NAT1: variants seen among roughly 807,000 people sequenced by gnomAD.
NAT1 encodes N-acetyltransferase 1, also known as arylamine N-acetyltransferase 1.
For missense variants in NAT1, 400 were observed against 339.2 expected (o/e 1.18, Z -1.41); for synonymous variants, 144 against 122.6 (o/e 1.17, Z -1.16).
upstream of NAT1, among the ~76,000 whole-genome samples, chr8:18,205,826 C>A (rs540277166): frequency 6.6e-6 from 1 of 152,242 alleles, no homozygotes; most frequent in South Asian, 2.1e-4. Flanking sequence ...ATGTAGCTCC[C>A]AGGGCGCTGC....
intron 1 of NAT1, among the ~76,000 whole-genome samples, chr8:18,218,772 C>G (rs1468317927): frequency 1.3e-5 from 2 of 152,082 alleles, no homozygotes; most frequent in Non-Finnish European, 2.9e-5. Flanking sequence ...GACCCACTTA[C>G]TAGCTTGACT....
Position 18,213,853 on chromosome 8 carries a change from G to T in NAT1, c.-86+3673G>T, listed in dbSNP as rs1015527716. On this transcript the variant is annotated intron_variant, in intron 1 of 2. Coordinates refer to ENST00000307719, the MANE Select transcript of NAT1 (RefSeq NM_000662.8). Reference sequence around the variant, plus strand: ...TTTTTTGAGATGGAGTCTCACTCTCGCCCAGGCCGGGGTGCGGTGGCACTA... The same window carrying T: ...TTTTTTGAGATGGAGTCTCACTCTCTCCCAGGCCGGGGTGCGGTGGCACTA... 2.1e-5 allele frequency among the ~76,000 whole-genome samples: 3 copies of T among 144,964 alleles called. No homozygotes were observed. In the East Asian group the frequency reaches 6.0e-4, roughly 29 times the overall value.
intron 2 of NAT1, among the ~76,000 whole-genome samples, chr8:18,221,163 C>T (rs950730587): frequency 2.0e-5 from 3 of 152,140 alleles, no homozygotes; most frequent in African/African-American, 7.2e-5. Context: ...CCCTTGCTTC[C>T]TGAATGTTTT....
At chr8:18,177,971 G>A (rs7813242) in intron 2 of NAT1, among the ~76,000 whole-genome samples, 3 of 151,918 alleles carry the variant, frequency 2.0e-5, no homozygotes, top group Non-Finnish European at 4.4e-5. Flanking sequence ...GTGAGAAACA[G>A]CTGAGTCAGC....
intron 2 of NAT1, among the ~76,000 whole-genome samples, chr8:18,184,984 A>G (rs180792589): frequency 5.3e-5 from 8 of 152,318 alleles, no homozygotes; most frequent in Non-Finnish European, 1.0e-4. Context: ...GTGGGCTGCT[A>G]TCTTTTTTAG....
chr8:18,175,779 G>A (rs1264808823), intron 2 of NAT1, among the ~76,000 whole-genome samples: 1 of 151,850 alleles, frequency 6.6e-6, no homozygotes, highest in Non-Finnish European at 1.5e-5. Context: ...GTTTTTTTGA[G>A]GAAACTTCAT....
chr8:18,195,349 G>A (rs941008862), intron 2 of NAT1, among the ~76,000 whole-genome samples: 1 of 152,126 alleles, frequency 6.6e-6, no homozygotes, highest in African/African-American at 2.4e-5. Context: ...TATTCAAATA[G>A]GGCTAAGGAG....
At chr8:18,220,037 G>T (rs143905172) in intron 2 of NAT1, among the ~76,000 whole-genome samples, 2 of 152,154 alleles carry the variant, frequency 1.3e-5, no homozygotes, top group Non-Finnish European at 2.9e-5. Context: ...TGTATAAACC[G>T]CCTTCGTCCT....
At chr8:18,213,246 T>C (rs1804289016) in intron 1 of NAT1, among the ~76,000 whole-genome samples, 1 of 152,000 alleles carries the variant, frequency 6.6e-6, no homozygotes, top group South Asian at 2.1e-4. Context: ...TGAGTCATTG[T>C]ATATAAATTT....
At chr8:18,175,501 C>T (rs930987536) in intron 2 of NAT1, among the ~76,000 whole-genome samples, 3 of 152,058 alleles carry the variant, frequency 2.0e-5, no homozygotes, top group Non-Finnish European at 4.4e-5. Context: ...TCACTTAGCA[C>T]AGTGTTCTCC....
intron 2 of NAT1, among the ~76,000 whole-genome samples, chr8:18,194,523 C>T (rs1341827695): frequency 1.3e-5 from 2 of 151,912 alleles, no homozygotes; most frequent in African/African-American, 4.8e-5. Flanking sequence ...GGCCCTTGAG[C>T]AGGAGACTTA....
At chr8:18,173,202 T>C (rs1326712517) in intron 2 of NAT1, among the ~76,000 whole-genome samples, 2 of 151,818 alleles carry the variant, frequency 1.3e-5, no homozygotes, top group Non-Finnish European at 2.9e-5. Context: ...CAGCACAGGA[T>C]ATGAGCAGAA....
chr8:18,182,017 C>G (rs1172842467), intron 2 of NAT1, among the ~76,000 whole-genome samples: 1 of 152,174 alleles, frequency 6.6e-6, no homozygotes, highest in African/African-American at 2.4e-5. Flanking sequence ...ACTTCCCATT[C>G]CCTTCCCCAA....
intron 2 of NAT1, among the ~76,000 whole-genome samples, chr8:18,198,284 A>G (rs778226194): frequency 6.6e-6 from 1 of 152,210 alleles, no homozygotes; most frequent in African/African-American, 2.4e-5. Flanking sequence ...AGAGAAAAAC[A>G]TTATGAGAGA....
intron 2 of NAT1, among the ~76,000 whole-genome samples, chr8:18,199,312 T>C (rs1173015164): frequency 7.0e-6 from 1 of 143,678 alleles, no homozygotes; most frequent in Non-Finnish European, 1.5e-5. Flanking sequence ...AGAAAGACTC[T>C]GTCTCAAAAA....
At chr8:18,179,334 G>T (rs1802418753) in intron 2 of NAT1, among the ~76,000 whole-genome samples, 1 of 152,148 alleles carries the variant, frequency 6.6e-6, no homozygotes, top group Non-Finnish European at 1.5e-5. Flanking sequence ...GAGAGAGAAT[G>T]AAATAACTGA....
intron 2 of NAT1, among the ~76,000 whole-genome samples, chr8:18,176,038 C>A (rs79353118): frequency 0.014 from 2,108 of 152,174 alleles, 19 homozygotes; most frequent in South Asian, 0.044. Context: ...ATCCTTTGCC[C>A]ATTTTTAATC....
intron 2 of NAT1, among the ~76,000 whole-genome samples, chr8:18,176,547 G>A (rs1802300353): frequency 6.6e-6 from 1 of 151,534 alleles, no homozygotes; most frequent in Non-Finnish European, 1.5e-5. Flanking sequence ...ATTCTATTGT[G>A]TTTCATTGGT....
At chr8:18,210,978 T>C (rs926747078) in intron 1 of NAT1, among the ~76,000 whole-genome samples, 1 of 152,172 alleles carries the variant, frequency 6.6e-6, no homozygotes, top group African/African-American at 2.4e-5. Flanking sequence ...TTAATTTTTG[T>C]ATTTTTAGTA....
Sources: gnomAD v4.1 joint callset for allele counts (sites outside exome capture counted in the v4.1 genomes callset) on GRCh38, gnomAD v4.1.1 for gene constraint, MANE v1.5 for transcripts, NCBI Gene and HGNC (gene_info 2026-07-23, HGNC 2026-07-21) for gene names.